GRID2: variants seen among roughly 807,000 people sequenced by gnomAD.
GRID2 encodes glutamate receptor ionotropic, delta-2.
Under a neutral mutation model 114.8 loss-of-function variants are expected in GRID2, and 33 were observed. That is an observed-to-expected ratio of 0.29 (90% CI 0.22 to 0.38). The LOEUF (loss-of-function observed/expected upper bound fraction) is 0.38, where lower values mean the gene tolerates loss of function less well. GRID2 is among the 10% of genes least tolerant of loss of function. GRID2 has a pLI of 1.00. For missense variants in GRID2, 1,184 were observed against 1,257.7 expected (o/e 0.94, Z 0.89); for synonymous variants, 505 against 449.9 (o/e 1.12, Z -1.55).
chr4:93,120,986 TAA>T (rs1479098500), intron 4 of GRID2, among the ~76,000 whole-genome samples: 2 of 151,840 alleles, frequency 1.3e-5, no homozygotes, highest in Non-Finnish European at 2.9e-5. Flanking sequence ...AAAATAAATT[TAA>T]AAACCTAGAT....
At chr4:92,442,277 C>T (rs1733145932) in intron 1 of GRID2, among the ~76,000 whole-genome samples, 1 of 151,928 alleles carries the variant, frequency 6.6e-6, no homozygotes, top group African/African-American at 2.4e-5. Context: ...CAGCCTTGCG[C>T]CAGAGTTCCA....
At chr4:92,765,190 A>G (rs1253117165) in intron 2 of GRID2, among the ~76,000 whole-genome samples, 2 of 152,196 alleles carry the variant, frequency 1.3e-5, no homozygotes, top group Admixed American at 1.3e-4. Flanking sequence ...TTCTCAATAA[A>G]CTTAGATAAA....
At position 92,814,468 on chromosome 4, in the gene GRID2, G is replaced by C. The variant is rs190777450; in HGVS notation, c.244+224182G>C. On this transcript the variant is annotated intron_variant, in intron 2 of 15. Transcript: ENST00000282020. ...ATCCAAACTTTATTTGTGAGGACAT[G>C]CCCGTGGCTCACTGGCTGGTGGACA... Among the ~76,000 whole-genome samples the C allele has an allele frequency of 1.2e-3, 178 of 152,226 alleles. 1 individual carries two copies. Among genetic ancestry groups the C allele is most frequent in the African/African-American group, 3.8e-3 (158 of 41,562 alleles).
intron 2 of GRID2, among the ~76,000 whole-genome samples, chr4:92,865,085 GT>G (rs1157056914): frequency 6.6e-6 from 1 of 152,156 alleles, no homozygotes. Flanking sequence ...GTAGGAGATT[GT>G]TGTCTTAACT....
At chr4:93,696,592 T>C (rs1283421565) in intron 14 of GRID2, among the ~76,000 whole-genome samples, 1 of 152,238 alleles carries the variant, frequency 6.6e-6, no homozygotes, top group Non-Finnish European at 1.5e-5. Flanking sequence ...TTAGGGTACA[T>C]GTGCACAACC....
At chr4:93,599,050 A>G (rs1378039812) in intron 13 of GRID2, among the ~76,000 whole-genome samples, 1 of 152,228 alleles carries the variant, frequency 6.6e-6, no homozygotes, top group Non-Finnish European at 1.5e-5. Flanking sequence ...TGAATTAAAC[A>G]TTGCCACAAA....
At chr4:92,431,604 A>ATTTTTT in intron 1 of GRID2, among the ~76,000 whole-genome samples, 1 of 149,408 alleles carries the variant, frequency 6.7e-6, no homozygotes. Context: ...TAACAGTGTA[A>ATTTTTT]TATCCTTCAA....
chr4:93,392,810 A>G (rs1003932471), intron 8 of GRID2, among the ~76,000 whole-genome samples: 13 of 152,084 alleles, frequency 8.5e-5, no homozygotes, highest in Admixed American at 7.9e-4. Context: ...CAACACCTCA[A>G]TGAAAAATGC....
At chr4:92,479,826 C>T (rs536833122) in intron 1 of GRID2, among the ~76,000 whole-genome samples, 1 of 152,172 alleles carries the variant, frequency 6.6e-6, no homozygotes, top group East Asian at 1.9e-4. Context: ...ATTGAGGAGA[C>T]AGGCTTGATC....
chr4:93,622,256 A>T (rs1487608268), intron 13 of GRID2, among the ~76,000 whole-genome samples: 1 of 152,162 alleles, frequency 6.6e-6, no homozygotes, highest in Non-Finnish European at 1.5e-5. Flanking sequence ...ACGAAACCTA[A>T]CCAAGTGTTT....
chr4:92,981,831 T>C (rs1270429522), intron 2 of GRID2, among the ~76,000 whole-genome samples: 1 of 151,860 alleles, frequency 6.6e-6, no homozygotes, highest in Non-Finnish European at 1.5e-5. Context: ...TTAAAAATTA[T>C]TTCCATTTTA....
intron 9 of GRID2, among the ~76,000 whole-genome samples, chr4:93,411,238 C>T (rs146500158): frequency 3.5e-4 from 54 of 152,204 alleles, no homozygotes; most frequent in African/African-American, 1.2e-3. Context: ...GTCCCAAACT[C>T]ATAAAACTAT....
intron 14 of GRID2, among the ~76,000 whole-genome samples, chr4:93,692,896 G>T (rs1726691593): frequency 1.3e-5 from 2 of 152,122 alleles, no homozygotes; most frequent in Non-Finnish European, 2.9e-5. Context: ...ATTATAAGTT[G>T]GAAAGCTCTC....
chr4:93,033,602 T>C (rs1185615089), intron 2 of GRID2, among the ~76,000 whole-genome samples: 1 of 152,146 alleles, frequency 6.6e-6, no homozygotes, highest in Non-Finnish European at 1.5e-5. Flanking sequence ...CCCTACATAA[T>C]ACTGTTGGTC....
chr4:92,608,707 C>G (rs920376890), intron 2 of GRID2, among the ~76,000 whole-genome samples: 3 of 151,442 alleles, frequency 2.0e-5, no homozygotes, highest in Non-Finnish European at 4.4e-5. Context: ...TACTGTGGTT[C>G]CTTTATATGC....
At chr4:93,020,987 C>T (rs1323297871) in intron 2 of GRID2, among the ~76,000 whole-genome samples, 1 of 150,858 alleles carries the variant, frequency 6.6e-6, no homozygotes, top group Admixed American at 6.6e-5. Flanking sequence ...CCAAGATCAT[C>T]GTGCCATTGC....
intron 13 of GRID2, among the ~76,000 whole-genome samples, chr4:93,529,435 A>T (rs1175200603): frequency 6.6e-6 from 1 of 152,218 alleles, no homozygotes; most frequent in Non-Finnish European, 1.5e-5. Context: ...AGCCCACGGC[A>T]GAACTACCTA....
chr4:93,339,155 C>T (rs1188156762), intron 8 of GRID2, among the ~76,000 whole-genome samples: 2 of 152,166 alleles, frequency 1.3e-5, no homozygotes, highest in Admixed American at 6.5e-5. Flanking sequence ...CTAATGCCAA[C>T]CTGATTCTTA....
At position 93,644,641 on chromosome 4, in the gene GRID2, A is replaced by G. The variant is rs367893557; in HGVS notation, c.2360+18206A>G. ...ATCAGCATGAATTTTACTAGTATTA[A>G]TTTCCTCTTTTCTGCATGTTTTTAG... On this transcript the variant is annotated intron_variant, in intron 14 of 15. Coordinates refer to ENST00000282020, the MANE Select transcript of GRID2 (RefSeq NM_001510.4). 8.5e-5 allele frequency among the ~76,000 whole-genome samples: 13 copies of G among 152,220 alleles called. No homozygotes were observed. The South Asian group carries it at 1.0e-3, about 12-fold the overall frequency.
Sources: allele counts gnomAD v4.1 joint callset (sites outside exome capture counted in the v4.1 genomes callset), GRCh38; gene constraint gnomAD v4.1.1; transcripts MANE v1.5; gene names NCBI Gene and HGNC (gene_info 2026-07-23, HGNC 2026-07-21).